Variants in ERBB4 observed in about 807,000 individuals in gnomAD.
ERBB4 encodes receptor tyrosine-protein kinase erbB-4.
ERBB4 carries 42 observed loss-of-function variants against 158.0 expected under a neutral mutation model. The ratio of observed to expected loss-of-function variants is 0.27; its 90% confidence interval spans 0.21 to 0.34. The LOEUF is 0.34. ERBB4 is among the 10% of genes least tolerant of loss of function. The pLI, the probability that ERBB4 is intolerant of heterozygous loss-of-function variation, is 1.00. For synonymous variants in ERBB4, 583 were observed against 558.7 expected (o/e 1.04, Z -0.61); for missense variants, 1,333 against 1,624.1 (o/e 0.82, Z 3.08).
At chr2:212,240,027 T>C (rs2084024829) in intron 1 of ERBB4, among the ~76,000 whole-genome samples, 1 of 152,202 alleles carries the variant, frequency 6.6e-6, no homozygotes, top group Non-Finnish European at 1.5e-5. Flanking sequence ...GTTACTTCTG[T>C]AGCTATGGTT....
At chr2:212,273,548 C>T (rs1471578174) in intron 1 of ERBB4, among the ~76,000 whole-genome samples, 2 of 151,792 alleles carry the variant, frequency 1.3e-5, no homozygotes, top group African/African-American at 4.8e-5. Flanking sequence ...CGTACAATCA[C>T]ATTAGCAGGC....
At chr2:212,257,661 G>T (rs2084790662) in intron 1 of ERBB4, among the ~76,000 whole-genome samples, 1 of 152,082 alleles carries the variant, frequency 6.6e-6, no homozygotes, top group Admixed American at 6.6e-5. Context: ...TCATGGAATT[G>T]TTAAGAATTC....
chr2:212,280,097 AAAAAT>A (rs1174259559), intron 1 of ERBB4, among the ~76,000 whole-genome samples: 1 of 151,656 alleles, frequency 6.6e-6, no homozygotes, highest in Non-Finnish European at 1.5e-5. Context: ...AAATTATTTG[AAAAAT>A]AAAATAAAAT....
At chr2:211,480,574 G>C (rs894619974) in intron 20 of ERBB4, among the ~76,000 whole-genome samples, 2 of 152,120 alleles carry the variant, frequency 1.3e-5, no homozygotes, top group Non-Finnish European at 2.9e-5. Context: ...CCATGGAAAT[G>C]TGAGTCAATT....
Position 211,911,974 on chromosome 2 carries a change from G to A in ERBB4, c.421+35456C>T, listed in dbSNP as rs192644090. Among the ~76,000 whole-genome samples the A allele has an allele frequency of 2.0e-5, 3 of 152,152 alleles. No individual in the cohort carries two copies. The East Asian group carries it at 5.8e-4, about 29-fold the overall frequency. On this transcript the variant is annotated intron_variant, in intron 3 of 27. Coordinates refer to ENST00000342788, the MANE Select transcript of ERBB4 (RefSeq NM_005235.3). ...AGGTTTATTAAGCCAGCTTTAGAGT[G>A]CATCTAGGGAAACACACCAGCCACA...
intron 1 of ERBB4, among the ~76,000 whole-genome samples, chr2:212,427,521 GTGTTTCGCAC>G (rs1253819191): frequency 6.6e-6 from 1 of 152,112 alleles, no homozygotes; most frequent in Non-Finnish European, 1.5e-5. Context: ...GTGCTTGTAA[GTGTTTCGCAC>G]TGTATGAGAT....
rs528616888 is a variant in ERBB4 at position 211,693,387 on chromosome 2, G to T, written c.1489+8580C>A. ...ATTGAATATGTTATTGTTAGTAAATGCAAAAAAACCCCACTATTTATAGAA... is the reference window on the plus strand; with the variant it reads ...ATTGAATATGTTATTGTTAGTAAATTCAAAAAAACCCCACTATTTATAGAA... On this transcript the variant is annotated intron_variant, in intron 12 of 27. Coordinates refer to ENST00000342788, the MANE Select transcript of ERBB4 (RefSeq NM_005235.3). Among the ~76,000 whole-genome samples the T allele has an allele frequency of 1.1e-4, 16 of 151,922 alleles. No homozygotes were observed. In the South Asian group the frequency reaches 3.3e-3, roughly 32 times the overall value.
At position 211,610,023 on chromosome 2, in the gene ERBB4, C is replaced by T. The variant is rs547457531; in HGVS notation, c.2301+9154G>A. Reference sequence around the variant, plus strand: ...TTCTAAGCTATCCTTGTAAAGTAGACGCTTTTGTAATACCATTTTTAGCAA... The same window carrying T: ...TTCTAAGCTATCCTTGTAAAGTAGATGCTTTTGTAATACCATTTTTAGCAA... On this transcript the variant is annotated intron_variant, in intron 19 of 27. Transcript: ENST00000342788. 5.3e-5 allele frequency among the ~76,000 whole-genome samples: 8 copies of T among 151,972 alleles called. No homozygotes were observed. The South Asian group carries it at 1.0e-3, about 20-fold the overall frequency.
intron 1 of ERBB4, among the ~76,000 whole-genome samples, chr2:212,352,477 A>G (rs2089295862): frequency 6.6e-6 from 1 of 152,174 alleles, no homozygotes; most frequent in South Asian, 2.1e-4. Flanking sequence ...AGCTAGTTGA[A>G]ATTTCAAGTT....
At chr2:211,915,435 T>TTTTATATA (rs1553512119) in intron 3 of ERBB4, among the ~76,000 whole-genome samples, 7 of 135,448 alleles carry the variant, frequency 5.2e-5, no homozygotes, top group African/African-American at 2.3e-4. Context: ...AGTTCAAACA[T>TTTTATATA]TACATATATA....
rs145548350 is a variant in ERBB4 at position 211,958,517 on chromosome 2, T to G, written c.235-10901A>C. On this transcript the variant is annotated intron_variant, in intron 2 of 27. Coordinates refer to ENST00000342788, the MANE Select transcript of ERBB4 (RefSeq NM_005235.3). ...TCTTATGTCTTCTGTCACCTACTGG[T>G]GAAATCACTCTGACTATTACCTCTG... Among the ~76,000 whole-genome samples the G allele has an allele frequency of 9.2e-5, 14 of 152,210 alleles. No homozygotes were observed. The East Asian group carries it at 2.7e-3, about 29-fold the overall frequency.
chr2:211,925,145 G>A (rs560660739), intron 3 of ERBB4, among the ~76,000 whole-genome samples: 17 of 152,214 alleles, frequency 1.1e-4, no homozygotes, highest in Admixed American at 9.8e-4. Flanking sequence ...CTAGACACAG[G>A]AAGAAAACAC....
intron 3 of ERBB4, among the ~76,000 whole-genome samples, chr2:211,833,853 G>A (rs928578572): frequency 1.3e-4 from 20 of 151,962 alleles, no homozygotes; most frequent in African/African-American, 4.8e-4. Context: ...TTTTTAAAAT[G>A]AAACTTTCTA....
intron 1 of ERBB4, among the ~76,000 whole-genome samples, chr2:212,149,064 T>C (rs2080779491): frequency 2.1e-5 from 3 of 144,964 alleles, no homozygotes; most frequent in South Asian, 4.7e-4. Flanking sequence ...TACCTAATGC[T>C]AGATGACGAG....
chr2:211,876,137 A>T (rs1236001104), intron 3 of ERBB4, among the ~76,000 whole-genome samples: 1 of 152,190 alleles, frequency 6.6e-6, no homozygotes, highest in African/African-American at 2.4e-5. Flanking sequence ...TACTTCAGTG[A>T]CACATTCAAT....
intron 1 of ERBB4, chr2:212,426,394 C>G (rs546206190): frequency 2.4e-6 from 1 of 422,292 alleles, no homozygotes; most frequent in Non-Finnish European, 4.6e-6. Flanking sequence ...AGATCTCTTT[C>G]GTCACACATT....
chr2:211,748,718 A>G (rs1373309427), intron 5 of ERBB4, among the ~76,000 whole-genome samples: 1 of 152,214 alleles, frequency 6.6e-6, no homozygotes, highest in East Asian at 1.9e-4. Context: ...TAAATAAAAT[A>G]AGTAGGTGAG....
chr2:212,173,373 G>A (rs1182014515), intron 1 of ERBB4, among the ~76,000 whole-genome samples: 6 of 152,102 alleles, frequency 3.9e-5, no homozygotes, highest in African/African-American at 1.4e-4. Flanking sequence ...AGCTAGGGAA[G>A]AGTACCCCAG....
At position 211,701,027 on chromosome 2, in the gene ERBB4, G is replaced by A. The variant is rs926401976; in HGVS notation, c.1489+940C>T. 2.8e-4 allele frequency among the ~76,000 whole-genome samples: 42 copies of A among 152,136 alleles called. 1 individual carries two copies. The highest frequency in any genetic ancestry group is 9.4e-4 in the African/African-American group (39 of 41,420). On this transcript the variant is annotated intron_variant, in intron 12 of 27. Coordinates refer to ENST00000342788, the MANE Select transcript of ERBB4 (RefSeq NM_005235.3). ...GAAGAATTAAGCATAAATCAACGGA[G>A]TATCAGTGTATTCGATAGGAATGGC...
Sources: allele counts gnomAD v4.1 joint callset (sites outside exome capture counted in the v4.1 genomes callset), GRCh38; gene constraint gnomAD v4.1.1; transcripts MANE v1.5; gene names NCBI Gene and HGNC (gene_info 2026-07-23, HGNC 2026-07-21).